Variants in PAX7 observed in about 807,000 individuals in gnomAD.
PAX7 encodes paired box protein Pax-7.
A neutral mutation model predicts 50.7 loss-of-function variants in PAX7; 18 were observed. The ratio of observed to expected loss-of-function variants is 0.36; its 90% CI spans 0.25 to 0.53. The LOEUF is 0.53. Among genes scored for constraint, PAX7 ranks in the 20% least tolerant of loss-of-function variants. PAX7 has a pLI of 0.93. For synonymous variants in PAX7, 310 were observed against 290.4 expected (o/e 1.07, Z -0.69); for missense variants, 644 against 702.9 (o/e 0.92, Z 0.95).
chr1:18,708,594 A>G (rs911320082), intron 7 of PAX7, among the ~76,000 whole-genome samples: 1 of 152,046 alleles, frequency 6.6e-6, no homozygotes. Context: ...ATGACTTAGG[A>G]TGAAAGGAAC....
At chr1:18,728,507 G>A (rs1374032047) in intron 7 of PAX7, among the ~76,000 whole-genome samples, 2 of 152,114 alleles carry the variant, frequency 1.3e-5, no homozygotes, top group East Asian at 3.9e-4. Context: ...TCACAGTGAT[G>A]TCTTGAGACT....
intron 7 of PAX7, among the ~76,000 whole-genome samples, chr1:18,721,012 C>T (rs959392703): frequency 2.6e-5 from 4 of 152,136 alleles, no homozygotes; most frequent in African/African-American, 7.2e-5. Flanking sequence ...ACCTGCTCCC[C>T]CATGTTGGTC....
At chr1:18,739,179 C>T (rs1570249105) in intron 8 of PAX7, among the ~76,000 whole-genome samples, 1 of 152,302 alleles carries the variant, frequency 6.6e-6, no homozygotes, top group African/African-American at 2.4e-5. Context: ...GGTGCAAAAA[C>T]GAGGCTCAGA....
chr1:18,631,456 G>A lies in PAX7; in HGVS notation c.-148G>A. ...GACTGCAGCCAGGGGTGGGGGGTGGGGGTAGGGAGTGTGTGTGGAGGGGAG... is the reference window on the plus strand; with the variant it reads ...GACTGCAGCCAGGGGTGGGGGGTGGAGGTAGGGAGTGTGTGTGGAGGGGAG... On this transcript the variant is annotated 5_prime_UTR_variant, in exon 1 of 9. Coordinates refer to ENST00000420770, the MANE Select transcript of PAX7 (RefSeq NM_001135254.2). The A allele has an allele frequency of 1.5e-6, 1 of 686,260 alleles. No individual in the cohort carries two copies. The highest frequency in any genetic ancestry group is 2.7e-5 in the East Asian group (1 of 36,436). 42.5% of individuals were successfully genotyped at this position (686,260 alleles called of 1,614,324 possible).
intron 4 of PAX7, among the ~76,000 whole-genome samples, chr1:18,656,883 T>C (rs1456325982): frequency 6.6e-6 from 1 of 151,864 alleles, no homozygotes; most frequent in Admixed American, 6.6e-5. Flanking sequence ...TCACAGCTAC[T>C]CGGGAGGCTG....
chr1:18,709,793 G>A lies in PAX7; in HGVS notation c.1155+6497G>A, dbSNP rs115898240. Reference sequence around the variant, plus strand: ...TTCCAACAGTGGCTCCAGAGCTCACGATGCTACTGTGTTGTATCTGCCTGG... The same window carrying A: ...TTCCAACAGTGGCTCCAGAGCTCACAATGCTACTGTGTTGTATCTGCCTGG... On this transcript the variant is annotated intron_variant, in intron 7 of 8. Coordinates refer to ENST00000420770, the MANE Select transcript of PAX7 (RefSeq NM_001135254.2). 2.6e-3 allele frequency among the ~76,000 whole-genome samples: 391 copies of A among 152,294 alleles called. 1 individual carries two copies. The highest frequency in any genetic ancestry group is 0.017 in the Middle Eastern group (5 of 294).
chr1:18,720,190 C>T (rs1250639791), intron 7 of PAX7, among the ~76,000 whole-genome samples: 1 of 152,226 alleles, frequency 6.6e-6, no homozygotes, highest in African/African-American at 2.4e-5. Flanking sequence ...GTTTGAGAAG[C>T]ACTAGAGGAT....
At position 18,735,269 on chromosome 1, in the gene PAX7, C is replaced by T. The variant is rs78990821; in HGVS notation, c.1156-363C>T. ...GAACTCCCTGACTGATGGGAGAGGCCTCATTAGCCAGTTCGTTCATTCATG... is the reference window on the plus strand; with the variant it reads ...GAACTCCCTGACTGATGGGAGAGGCTTCATTAGCCAGTTCGTTCATTCATG... On this transcript the variant is annotated intron_variant, in intron 7 of 8. Coordinates refer to ENST00000420770, the MANE Select transcript of PAX7 (RefSeq NM_001135254.2). The surrounding 1 kb of genome is among the most constrained non-coding windows in gnomAD (Gnocchi z 4.0). 6.6e-6 allele frequency among the ~76,000 whole-genome samples: 1 copy of T among 152,206 alleles called. No individual in the cohort carries two copies. The highest frequency in any genetic ancestry group is 1.5e-5 in the Non-Finnish European group (1 of 68,034).
chr1:18,717,239 C>T (rs1353961714), intron 7 of PAX7, among the ~76,000 whole-genome samples: 1 of 152,176 alleles, frequency 6.6e-6, no homozygotes, highest in Admixed American at 6.5e-5. Context: ...GCCTGGCCGC[C>T]CCCCGGACTG....
At chr1:18,652,394 A>G in intron 4 of PAX7, among the ~76,000 whole-genome samples, 1 of 152,214 alleles carries the variant, frequency 6.6e-6, no homozygotes, top group South Asian at 2.1e-4. Context: ...CAGAGCTCAC[A>G]CACTGGGGGA....
intron 4 of PAX7, among the ~76,000 whole-genome samples, chr1:18,684,820 C>T (rs1434078085): frequency 6.6e-6 from 1 of 152,032 alleles, no homozygotes; most frequent in Non-Finnish European, 1.5e-5. Flanking sequence ...GAGAGGGGAG[C>T]GCAGAAGCAG....
intron 4 of PAX7, among the ~76,000 whole-genome samples, chr1:18,639,266 AGT>A (rs1427318485): frequency 6.6e-6 from 1 of 152,218 alleles, no homozygotes; most frequent in African/African-American, 2.4e-5. Context: ...TCACTCTCAG[AGT>A]TTGAAGCACA....
intron 4 of PAX7, among the ~76,000 whole-genome samples, chr1:18,639,873 G>T (rs2088223222): frequency 6.6e-6 from 1 of 152,024 alleles, no homozygotes; most frequent in African/African-American, 2.4e-5. Context: ...GCTCCGCTTT[G>T]TTCTCTAGGA....
intron 4 of PAX7, among the ~76,000 whole-genome samples, chr1:18,682,342 C>T (rs917212591): frequency 1.3e-5 from 2 of 152,134 alleles, no homozygotes; most frequent in South Asian, 2.1e-4. Context: ...AGCCTGAGGC[C>T]TAGGTTCTGG....
chr1:18,704,909 C>A (rs1371407925), intron 7 of PAX7, among the ~76,000 whole-genome samples: 2 of 152,272 alleles, frequency 1.3e-5, no homozygotes, highest in Admixed American at 6.5e-5. Context: ...TGGAGATAAG[C>A]CCAGTACTTG....
chr1:18,668,282 C>T (rs898110583), intron 4 of PAX7, among the ~76,000 whole-genome samples: 2 of 152,224 alleles, frequency 1.3e-5, no homozygotes, highest in Non-Finnish European at 2.9e-5. Context: ...ATTTCAACGT[C>T]CTGGCCCACA....
At chr1:18,682,340 G>A (rs1331658753) in intron 4 of PAX7, among the ~76,000 whole-genome samples, 1 of 152,148 alleles carries the variant, frequency 6.6e-6, no homozygotes, top group African/African-American at 2.4e-5. Context: ...GGAGCCTGAG[G>A]CCTAGGTTCT....
At chr1:18,720,256 G>A (rs1004367527) in intron 7 of PAX7, among the ~76,000 whole-genome samples, 7 of 152,162 alleles carry the variant, frequency 4.6e-5, no homozygotes, top group East Asian at 3.9e-4. Flanking sequence ...AGCTCCCTGC[G>A]ATGACTCAAA....
At chr1:18,709,866 T>C (rs1300132905) in intron 7 of PAX7, among the ~76,000 whole-genome samples, 2 of 152,160 alleles carry the variant, frequency 1.3e-5, no homozygotes, top group African/African-American at 4.8e-5. Flanking sequence ...TCCTAAGTCA[T>C]AGGGGCAATT....
Sources: gnomAD v4.1 joint callset for allele counts (sites outside exome capture counted in the v4.1 genomes callset) on GRCh38, gnomAD v4.1.1 for gene constraint, Gnocchi (gnomAD v3.1) non-coding constraint, MANE v1.5 for transcripts, NCBI Gene and HGNC (gene_info 2026-07-23, HGNC 2026-07-21) for gene names.